TBC1D9: variants seen among roughly 807,000 people sequenced by gnomAD.
TBC1D9 encodes TBC1 domain family member 9, also known as TBC1 domain family member 9A.
Under a neutral mutation model 132.0 loss-of-function variants are expected in TBC1D9, and 63 were observed. The observed-to-expected ratio is 0.48, with a 90% CI of 0.39 to 0.59. The LOEUF (loss-of-function observed/expected upper bound fraction) is 0.59. Ranked by LOEUF, TBC1D9 falls within the 20% of genes least tolerant of loss-of-function variation. The pLI, the probability that TBC1D9 is intolerant of heterozygous loss-of-function variation, is 0.00. For synonymous variants in TBC1D9, 610 were observed against 609.9 expected, an observed-to-expected ratio of 1.00 and a Z score of 0.00; for missense variants, 1,261 against 1,592.7, an observed-to-expected ratio of 0.79 and a Z score of 3.54.
At chr4:140,727,964 T>C (rs1301874017) in intron 1 of TBC1D9, among the ~76,000 whole-genome samples, 1 of 152,252 alleles carries the variant, frequency 6.6e-6, no homozygotes, top group African/African-American at 2.4e-5. Context: ...TTTCTCCAGA[T>C]AAAATTTTCT....
intron 6 of TBC1D9, among the ~76,000 whole-genome samples, chr4:140,673,838 C>T (rs1181047428): frequency 2.6e-5 from 4 of 152,150 alleles, no homozygotes; most frequent in Non-Finnish European, 5.9e-5. Context: ...TCAATTCCTC[C>T]AAGATCTCAA....
At position 140,756,054 on chromosome 4, in the gene TBC1D9, C is replaced by T. The variant is rs750735604; in HGVS notation, c.-9G>A. 6.3e-6 allele frequency: 10 copies of T among 1,599,896 alleles called. No individual in the cohort carries two copies. The highest frequency in any genetic ancestry group is 1.7e-4 in the Middle Eastern group (1 of 6,022). ...TCCGGGTTCACCCACATGGTCCTGG[C>T]TGCCGCGGGCGGGCGCACAATGGGC... On this transcript the variant is annotated 5_prime_UTR_variant, in exon 1 of 21. Coordinates refer to ENST00000442267, the MANE Select transcript of TBC1D9 (RefSeq NM_015130.3). The surrounding 1 kb of genome is among the most constrained non-coding windows in gnomAD (Gnocchi z 5.6).
chr4:140,626,620 G>A (rs1047784243), intron 18 of TBC1D9, among the ~76,000 whole-genome samples: 9 of 152,210 alleles, frequency 5.9e-5, no homozygotes, highest in Non-Finnish European at 7.3e-5. Context: ...GTAACTTACT[G>A]CAGTAGCAAG....
At chr4:140,676,134 C>G (rs568292386) in intron 6 of TBC1D9, among the ~76,000 whole-genome samples, 1 of 152,322 alleles carries the variant, frequency 6.6e-6, no homozygotes, top group South Asian at 2.1e-4. Context: ...ATTATCCAAG[C>G]CTAAGCCTAT....
chr4:140,624,078 C>T, intron 20 of TBC1D9, 38 bp downstream of exon 20: 1 of 1,499,490 alleles, frequency 6.7e-7, no homozygotes. Flanking sequence ...AAAGAGTGTC[C>T]AGGTTTGAAG....
At chr4:140,691,807 T>C (rs143528751) in intron 2 of TBC1D9, among the ~76,000 whole-genome samples, 103 of 152,354 alleles carry the variant, frequency 6.8e-4, no homozygotes, top group Admixed American at 1.5e-3. Flanking sequence ...AACTTTTTAA[T>C]GTTGTCTGCA....
chr4:140,699,496 C>G (rs1360806126), intron 2 of TBC1D9, among the ~76,000 whole-genome samples: 1 of 152,158 alleles, frequency 6.6e-6, no homozygotes, highest in Non-Finnish European at 1.5e-5. Flanking sequence ...CAAAATGGCC[C>G]TTTATCTCTG....
At chr4:140,651,207 GCCTATAATC>G (rs1737182934) in intron 13 of TBC1D9, among the ~76,000 whole-genome samples, 1 of 152,202 alleles carries the variant, frequency 6.6e-6, no homozygotes, top group Non-Finnish European at 1.5e-5. Flanking sequence ...AGTGGCTCAT[GCCTATAATC>G]CCAGCACTTT....
intron 10 of TBC1D9, among the ~76,000 whole-genome samples, chr4:140,661,162 C>T (rs1209568787): frequency 3.3e-5 from 5 of 152,188 alleles, no homozygotes; most frequent in Admixed American, 3.3e-4. Context: ...GATCCTCCGG[C>T]CTTGGCTTAC....
chr4:140,745,701 G>A (rs1738826614), intron 1 of TBC1D9, among the ~76,000 whole-genome samples: 1 of 152,094 alleles, frequency 6.6e-6, no homozygotes, highest in Admixed American at 6.5e-5. Flanking sequence ...GTCAACAGTA[G>A]GTTATTAGGA....
intron 13 of TBC1D9, among the ~76,000 whole-genome samples, chr4:140,656,817 A>G (rs545250899): frequency 3.5e-4 from 53 of 152,322 alleles, no homozygotes; most frequent in African/African-American, 1.2e-3. Context: ...TGGCACTATA[A>G]AAAGGTCTTA....
At chr4:140,743,987 G>A (rs899040177) in intron 1 of TBC1D9, among the ~76,000 whole-genome samples, 2 of 152,124 alleles carry the variant, frequency 1.3e-5, no homozygotes, top group Non-Finnish European at 2.9e-5. Flanking sequence ...TAAATGTCAT[G>A]TCAAATCCTG....
At chr4:140,655,339 T>A (rs1006662196) in intron 13 of TBC1D9, among the ~76,000 whole-genome samples, 1 of 152,074 alleles carries the variant, frequency 6.6e-6, no homozygotes, top group Non-Finnish European at 1.5e-5. Flanking sequence ...AGGACACACA[T>A]TTCTGAAAAG....
intron 13 of TBC1D9, chr4:140,642,108 T>C: frequency 2.7e-6 from 2 of 737,274 alleles, no homozygotes; most frequent in Non-Finnish European, 5.0e-6. Flanking sequence ...CCAGGCCCTC[T>C]TGGTCAGCTA....
chr4:140,634,598 G>A (rs1328120681), intron 15 of TBC1D9, among the ~76,000 whole-genome samples: 1 of 152,186 alleles, frequency 6.6e-6, no homozygotes, highest in African/African-American at 2.4e-5. Flanking sequence ...TGACCGCCTT[G>A]TTTTCTAGGT....
chr4:140,622,217 T>C lies in TBC1D9; in HGVS notation c.3779A>G (p.Glu1260Gly). 6.3e-7 allele frequency: 1 copy of C among 1,586,340 alleles called. No homozygotes were observed. Residue 1260 changes from glutamate (E) to glycine (G), a missense_variant, in exon 21 of 21, where the codon GAA (glutamate) becomes GGA (glycine). Around this residue, in one of 3 missense-constraint regions of TBC1D9, gnomAD observed 618 missense variants for 724.4 expected, o/e 0.85. Coordinates refer to ENST00000442267, the MANE Select transcript of TBC1D9 (RefSeq NM_015130.3). Reference sequence around the variant, plus strand: ...GTGTCAGCCGGACATGGCCGAGATTTCATAGTCACTGGCCGAGGTGAGGGG... The same window carrying C: ...GTGTCAGCCGGACATGGCCGAGATTCCATAGTCACTGGCCGAGGTGAGGGG... ...GKPLTSASDY[E>G]ISAMSG
At chr4:140,719,293 G>C (rs960805136) in intron 1 of TBC1D9, among the ~76,000 whole-genome samples, 1 of 152,126 alleles carries the variant, frequency 6.6e-6, no homozygotes, top group African/African-American at 2.4e-5. Context: ...TAGTCTCCCA[G>C]GGCTGCTGAG....
intron 1 of TBC1D9, among the ~76,000 whole-genome samples, chr4:140,752,721 T>C (rs933680948): frequency 6.6e-6 from 1 of 152,182 alleles, no homozygotes; most frequent in Non-Finnish European, 1.5e-5. Context: ...ATTGCACCAA[T>C]GCCTATACAT....
chr4:140,654,470 G>A (rs1042867396), intron 13 of TBC1D9, among the ~76,000 whole-genome samples: 7 of 101,894 alleles, frequency 6.9e-5, no homozygotes, highest in Admixed American at 5.7e-4. Flanking sequence ...AAAGAAGAAA[G>A]GGGTGGGGGG....
Sources: allele counts gnomAD v4.1 joint callset (sites outside exome capture counted in the v4.1 genomes callset), GRCh38; gene constraint gnomAD v4.1.1; regional missense constraint gnomAD v4.1.1; non-coding constraint Gnocchi (gnomAD v3.1); transcripts MANE v1.5; gene names NCBI Gene and HGNC (gene_info 2026-07-23, HGNC 2026-07-21).